EFR3A: variants seen among roughly 807,000 people sequenced by gnomAD.
EFR3A encodes the protein EFR3 homolog A.
A neutral mutation model predicts 104.4 loss-of-function variants in EFR3A; 76 were observed. That is an observed-to-expected ratio of 0.73 (90% CI 0.60 to 0.88). The LOEUF (loss-of-function observed/expected upper bound fraction) is 0.88, where lower values mean the gene tolerates loss of function less well. Among genes scored for constraint, EFR3A ranks in the 40% least tolerant of loss-of-function variants. The pLI, the probability that EFR3A is intolerant of heterozygous loss-of-function variation, is 0.00. For synonymous variants in EFR3A, 330 were observed against 330.0 expected (o/e 1.00, Z 0.00); for missense variants, 985 against 1,012.5 (o/e 0.97, Z 0.37).
intron 10 of EFR3A, among the ~76,000 whole-genome samples, chr8:131,971,348 C>T (rs779007821): frequency 3.9e-5 from 6 of 152,158 alleles, no homozygotes; most frequent in Non-Finnish European, 8.8e-5. Flanking sequence ...GTCCCCCTCC[C>T]ACTTTTTTAA....
chr8:131,966,472 A>T (rs1050621418), intron 8 of EFR3A, among the ~76,000 whole-genome samples: 1 of 152,206 alleles, frequency 6.6e-6, no homozygotes, highest in African/African-American at 2.4e-5. Flanking sequence ...CACAAGTCAC[A>T]AATTGAAAAG....
chr8:131,970,375 T>C lies in EFR3A; in HGVS notation c.992-101T>C. The C allele has an allele frequency of 3.6e-6, 4 of 1,114,006 alleles. No homozygotes were observed. The South Asian group carries it at 4.6e-5, about 13-fold the overall frequency. 69.0% of individuals were successfully genotyped at this position (1,114,006 alleles called of 1,614,324 possible). A position where few individuals can be genotyped will look rare whatever the true frequency, so the allele number is the denominator to read the frequency against. ...ATAAATTACTATGGATTTCTGACTA[T>C]TTAGAAAATTACAGAAACAATCTGT... is the stretch of plus-strand genomic sequence containing the variant. On this transcript the variant is annotated intron_variant, in intron 9 of 22. Coordinates refer to ENST00000254624, the MANE Select transcript of EFR3A (RefSeq NM_015137.6).
At chr8:131,955,712 T>C in intron 6 of EFR3A, 56 bp from the exon 7 acceptor site, 1 of 1,560,776 alleles carries the variant, frequency 6.4e-7, no homozygotes, top group Non-Finnish European at 8.7e-7. Flanking sequence ...ATATTTTGTT[T>C]ATTAGAACTG....
At chr8:131,965,040 C>T (rs959288386) in intron 8 of EFR3A, among the ~76,000 whole-genome samples, 2 of 152,074 alleles carry the variant, frequency 1.3e-5, no homozygotes, top group African/African-American at 4.8e-5. Context: ...TGGATCCCTT[C>T]CTTACACCTT....
At chr8:131,919,615 A>G (rs1449869877) in intron 1 of EFR3A, among the ~76,000 whole-genome samples, 2 of 151,646 alleles carry the variant, frequency 1.3e-5, no homozygotes, top group Non-Finnish European at 2.9e-5. Context: ...AAAAAAAAAA[A>G]AAATTTACCT....
intron 9 of EFR3A, 57 bp downstream of exon 9, chr8:131,968,487 C>T: frequency 1.3e-6 from 2 of 1,539,982 alleles, no homozygotes; most frequent in Admixed American, 1.7e-5. Context: ...AGTGTCCTTT[C>T]AGTATGCATA....
chr8:131,937,479 A>G (rs1817956220), intron 1 of EFR3A, among the ~76,000 whole-genome samples: 3 of 152,218 alleles, frequency 2.0e-5, no homozygotes, highest in South Asian at 2.1e-4. Flanking sequence ...CTATTTTCCC[A>G]AAGTTATCCC....
At chr8:131,963,788 A>G (rs1322167074) in intron 8 of EFR3A, among the ~76,000 whole-genome samples, 1 of 152,196 alleles carries the variant, frequency 6.6e-6, no homozygotes, top group Non-Finnish European at 1.5e-5. Flanking sequence ...TTTTAGACCA[A>G]TATCCCTGAT....
chr8:132,001,585 A>G (rs1821782216), intron 19 of EFR3A, among the ~76,000 whole-genome samples, 174 bp from the exon 20 acceptor site: 1 of 152,198 alleles, frequency 6.6e-6, no homozygotes, highest in African/African-American at 2.4e-5. Flanking sequence ...GTTAGAACCA[A>G]TGAAAAAGTG....
chr8:132,003,624 C>T (rs1024862021), intron 22 of EFR3A, among the ~76,000 whole-genome samples: 2 of 152,158 alleles, frequency 1.3e-5, no homozygotes, highest in African/African-American at 2.4e-5. Context: ...CATATTGAAT[C>T]GTTTTGTCCT....
In EFR3A at chr8:131,904,270, C is replaced by T; in HGVS notation, c.-43C>T. ...GTGCCGTCGGCGCTCCCTGCGCGGC[C>T]CCGCTGAGCCTCGGTGCGGCGGCGA... On this transcript the variant is annotated 5_prime_UTR_variant, in exon 1 of 23. Coordinates refer to ENST00000254624, the MANE Select transcript of EFR3A (RefSeq NM_015137.6). 7.8e-7 allele frequency: 1 copy of T among 1,281,302 alleles called. No homozygotes were observed. Among genetic ancestry groups the T allele is most frequent in the African/African-American group, 1.5e-5 (1 of 64,916 alleles). 79.4% of individuals were successfully genotyped at this position (1,281,302 alleles called of 1,614,324 possible).
At position 132,005,571 on chromosome 8, in the gene EFR3A, G is replaced by A. The variant is rs377706533; in HGVS notation, c.2360+2286G>A. On this transcript the variant is annotated intron_variant, in intron 22 of 22. Transcript: ENST00000254624. ...CCCCACCCAGGCCCCACACACACAC[G>A]TCAAAGAATTTAAAGGACAAGATAC... 4.0e-4 allele frequency among the ~76,000 whole-genome samples: 61 copies of A among 151,738 alleles called. No homozygotes were observed. In the East Asian group the frequency reaches 9.5e-3, roughly 24 times the overall value.
At chr8:131,950,446 T>G (rs571815125) in intron 5 of EFR3A, among the ~76,000 whole-genome samples, 1 of 152,264 alleles carries the variant, frequency 6.6e-6, no homozygotes, top group East Asian at 1.9e-4. Flanking sequence ...CACATTGGTC[T>G]TTGTGCACAG....
chr8:131,905,591 C>G (rs1816217882), intron 1 of EFR3A, among the ~76,000 whole-genome samples: 1 of 152,192 alleles, frequency 6.6e-6, no homozygotes, highest in Admixed American at 6.5e-5. Flanking sequence ...GTGTCCTTAA[C>G]TCACGTTCTT....
intron 2 of EFR3A, among the ~76,000 whole-genome samples, chr8:131,943,379 A>C (rs929253573): frequency 6.6e-6 from 1 of 152,050 alleles, no homozygotes; most frequent in African/African-American, 2.4e-5. Flanking sequence ...GTAAGGGATT[A>C]AAAATATAGG....
chr8:131,919,679 A>T (rs906353501), intron 1 of EFR3A, among the ~76,000 whole-genome samples: 1 of 151,886 alleles, frequency 6.6e-6, no homozygotes, highest in East Asian at 1.9e-4. Context: ...TCCCTGGGAA[A>T]TCACCTGGAC....
intron 9 of EFR3A, 105 bp from the exon 10 acceptor site, chr8:131,970,367 TCTGA>T (rs1819980171): frequency 9.8e-7 from 1 of 1,019,808 alleles, no homozygotes; most frequent in South Asian, 1.6e-5. Flanking sequence ...ACTATGGATT[TCTGA>T]CTATTTAGAA....
chr8:131,969,602 A>G (rs1819938758), intron 9 of EFR3A, among the ~76,000 whole-genome samples: 1 of 151,684 alleles, frequency 6.6e-6, no homozygotes, highest in Non-Finnish European at 1.5e-5. Flanking sequence ...TGAATCCAGA[A>G]CTGCAGATAT....
intron 8 of EFR3A, among the ~76,000 whole-genome samples, chr8:131,960,453 A>T (rs549042444): frequency 3.1e-4 from 47 of 152,154 alleles, no homozygotes; most frequent in Non-Finnish European, 6.2e-4. Flanking sequence ...GGATAGCTAT[A>T]GTCTAGTATT....
Sources: gnomAD v4.1 joint callset for allele counts (sites outside exome capture counted in the v4.1 genomes callset) on GRCh38, gnomAD v4.1.1 for gene constraint, MANE v1.5 for transcripts, NCBI Gene and HGNC (gene_info 2026-07-23, HGNC 2026-07-21) for gene names.